The following SLC8A3 variants were observed in gnomAD, a reference collection of about 807,000 sequenced individuals.
SLC8A3 encodes the protein solute carrier family 8 member A3, also known as sodium/calcium exchanger 3.
A neutral mutation model predicts 65.4 loss-of-function variants in SLC8A3; 37 were observed. That is an observed-to-expected ratio of 0.57 (90% confidence interval 0.44 to 0.74). The LOEUF is 0.74. SLC8A3 is among the 30% of genes least tolerant of loss of function. The pLI is 0.00. For missense variants in SLC8A3, 1,112 were observed against 1,172.1 expected (o/e 0.95, Z 0.75); for synonymous variants, 461 against 444.5 (o/e 1.04, Z -0.47).
chr14:70,141,006 T>C (rs1895533052), intron 2 of SLC8A3, among the ~76,000 whole-genome samples: 1 of 152,234 alleles, frequency 6.6e-6, no homozygotes, highest in African/African-American at 2.4e-5. Context: ...GCTGGAATAC[T>C]GCTGTGATAA....
At chr14:70,103,966 A>G (rs1237755825) in intron 2 of SLC8A3, among the ~76,000 whole-genome samples, 1 of 152,132 alleles carries the variant, frequency 6.6e-6, no homozygotes, top group Non-Finnish European at 1.5e-5. Context: ...TGGTAAGCAT[A>G]AAAAGGATGA....
chr14:70,169,220 T>A (rs1897341685), intron 1 of SLC8A3, among the ~76,000 whole-genome samples: 1 of 152,206 alleles, frequency 6.6e-6, no homozygotes, highest in African/African-American at 2.4e-5. Context: ...GGAGGCAAGC[T>A]ATAATTCTGA....
chr14:70,071,750 T>G (rs937453581), intron 2 of SLC8A3, among the ~76,000 whole-genome samples: 9 of 152,212 alleles, frequency 5.9e-5, no homozygotes, highest in Non-Finnish European at 1.0e-4. Context: ...GGGTATTGCT[T>G]TAAGCCTCTA....
chr14:70,097,298 A>AC (rs1555374555), intron 2 of SLC8A3, among the ~76,000 whole-genome samples: 1 of 152,146 alleles, frequency 6.6e-6, no homozygotes, highest in Non-Finnish European at 1.5e-5. Flanking sequence ...AAAAAAAAAA[A>AC]AAAACACCTC....
At chr14:70,128,413 C>T (rs1306966159) in intron 2 of SLC8A3, among the ~76,000 whole-genome samples, 1 of 152,158 alleles carries the variant, frequency 6.6e-6, no homozygotes, top group Non-Finnish European at 1.5e-5. Context: ...CCCCTCTGCA[C>T]CCTGTTCTAG....
At chr14:70,150,275 G>A (rs987776825) in intron 2 of SLC8A3, among the ~76,000 whole-genome samples, 4 of 152,154 alleles carry the variant, frequency 2.6e-5, no homozygotes, top group Middle Eastern at 3.2e-3. Context: ...GCCATGTTAT[G>A]TAAATGAGTA....
At chr14:70,155,263 T>C (rs1896510005) in intron 2 of SLC8A3, among the ~76,000 whole-genome samples, 2 of 147,956 alleles carry the variant, frequency 1.4e-5, no homozygotes, top group East Asian at 2.0e-4. Context: ...ATCCTGTCTA[T>C]TTTTTTTTAA....
At chr14:70,064,416 G>A (rs1003156233) in intron 2 of SLC8A3, among the ~76,000 whole-genome samples, 2 of 151,762 alleles carry the variant, frequency 1.3e-5, no homozygotes, top group East Asian at 3.9e-4. Context: ...GATCCAAATG[G>A]TTTATTTCAT....
At chr14:70,106,503 C>T (rs1892882628) in intron 2 of SLC8A3, among the ~76,000 whole-genome samples, 1 of 152,082 alleles carries the variant, frequency 6.6e-6, no homozygotes, top group Admixed American at 6.5e-5. Context: ...AGAAAGTTCA[C>T]ACTTAATTAA....
intron 2 of SLC8A3, among the ~76,000 whole-genome samples, chr14:70,129,907 C>G (rs758603866): frequency 6.6e-6 from 1 of 152,334 alleles, no homozygotes; most frequent in Non-Finnish European, 1.5e-5. Context: ...CTTCTACGTA[C>G]CTGCCAGGGC....
Position 70,166,973 on chromosome 14 carries a change from A to G in SLC8A3, c.1450T>C (p.Leu484=). The change falls in exon 2 of 7, where the codon TTG becomes CTG. Residue 484 remains leucine (L), a synonymous_variant. Transcript: ENST00000356921. ...FEEDEHFFVR[L]SNVRIEEEQP... is the part of the protein sequence containing the mutation. ...TCCTCCTCTATGCGGACATTGCTCA[A>G]CCTTACAAAGAAGTGTTCATCCTCC... 6.2e-7 allele frequency: 1 copy of G among 1,614,152 alleles called. No individual in the cohort carries two copies.
At chr14:70,177,642 G>A (rs936700639) in intron 1 of SLC8A3, among the ~76,000 whole-genome samples, 4 of 152,204 alleles carry the variant, frequency 2.6e-5, no homozygotes, top group Non-Finnish European at 4.4e-5. Context: ...AACAAGCAGC[G>A]TCTGTTTCCA....
intron 2 of SLC8A3, among the ~76,000 whole-genome samples, chr14:70,115,220 T>G (rs76755619): frequency 0.039 from 5,998 of 152,218 alleles, 475 homozygotes; most frequent in East Asian, 0.37. Flanking sequence ...GCAGCGCACT[T>G]GGCACTCGAT....
At chr14:70,132,994 G>A (rs1235916070) in intron 2 of SLC8A3, among the ~76,000 whole-genome samples, 1 of 151,922 alleles carries the variant, frequency 6.6e-6, no homozygotes, top group Non-Finnish European at 1.5e-5. Context: ...TTACTGCCAG[G>A]TTTGACACTC....
In SLC8A3 at chr14:70,178,727, G is replaced by A. The variant is rs768250598; in HGVS notation, c.-63+9652C>T. Reference sequence around the variant, plus strand: ...GTTCTTTGAAGATCATTTCTGCCTGGATGCATTCTCAAATTTATTGAGTGC... The same window carrying A: ...GTTCTTTGAAGATCATTTCTGCCTGAATGCATTCTCAAATTTATTGAGTGC... On this transcript the variant is annotated intron_variant, in intron 1 of 6. Transcript: ENST00000356921. Among the ~76,000 whole-genome samples, 4 of 152,226 alleles carry A rather than the reference G, an allele frequency of 2.6e-5. No individual in the cohort carries two copies. In the South Asian group the frequency reaches 8.3e-4, roughly 32 times the overall value.
intron 2 of SLC8A3, among the ~76,000 whole-genome samples, chr14:70,152,202 A>G (rs1335804423): frequency 6.6e-6 from 1 of 152,108 alleles, no homozygotes; most frequent in Non-Finnish European, 1.5e-5. Context: ...GTCAGACTAC[A>G]TTGCACAGAA....
rs749581808 is a variant in SLC8A3 at position 70,045,991 on chromosome 14, G to A, written c.2722C>T (p.Leu908Phe). ...CAATAGGCCTCTAGTGTGGCAAAGA[G>A]TATGTAGAGGAGCCACAGGCTCACA... ...LFVSLWLLYILFATLEAYCYI... is the reference protein window; with the variant it reads ...LFVSLWLLYIFFATLEAYCYI... The change falls in exon 7 of 7, where the codon CTC (leucine) becomes TTC (phenylalanine). Residue 908 changes from leucine to phenylalanine, a missense_variant. By Grantham distance (22) the Leu-to-Phe change is conservative. Coordinates refer to ENST00000356921, the MANE Select transcript of SLC8A3 (RefSeq NM_182932.3). 4 of 1,611,014 alleles carry A rather than the reference G, an allele frequency of 2.5e-6. No individual in the cohort carries two copies. The highest frequency in any genetic ancestry group is 3.4e-6 in the Non-Finnish European group (4 of 1,178,222).
intron 3 of SLC8A3, among the ~76,000 whole-genome samples, chr14:70,054,535 GT>G (rs1408374812): frequency 6.6e-6 from 1 of 152,112 alleles, no homozygotes; most frequent in East Asian, 1.9e-4. Flanking sequence ...GGAGGAAAGA[GT>G]TGGAACAAAG....
rs1329264240 is a variant in SLC8A3 at position 70,125,486 on chromosome 14, T to C, written c.1784+41153A>G. 3.9e-5 allele frequency among the ~76,000 whole-genome samples: 6 copies of C among 152,236 alleles called. 1 individual carries two copies. The highest frequency in any genetic ancestry group is 3.9e-4 in the Admixed American group (6 of 15,278). ...AGAATGGCTTCCAGTTCCTTCCATATTGCTGCAAAAGACAGACTTTGTTCT... is the reference window on the plus strand; with the variant it reads ...AGAATGGCTTCCAGTTCCTTCCATACTGCTGCAAAAGACAGACTTTGTTCT... On this transcript the variant is annotated intron_variant, in intron 2 of 6. Transcript: ENST00000356921.
Sources: gnomAD v4.1 joint callset for allele counts (sites outside exome capture counted in the v4.1 genomes callset) on GRCh38, gnomAD v4.1.1 for gene constraint, MANE v1.5 for transcripts, NCBI Gene and HGNC (gene_info 2026-07-23, HGNC 2026-07-21) for gene names.